The following DCC variants were observed in gnomAD, a reference collection of about 807,000 sequenced individuals.
DCC encodes the protein netrin receptor DCC.
In DCC, 58 loss-of-function variants were observed where a neutral mutation model predicts 172.5. That is an observed-to-expected ratio of 0.34 (90% CI 0.27 to 0.42). The LOEUF is 0.42. DCC is among the 10% of genes least tolerant of loss of function. The probability of loss-of-function intolerance (pLI) is 1.00; values close to 1 mark genes in which losing one functional copy is unlikely to be tolerated. For missense variants in DCC, 1,740 were observed against 1,791.0 expected (o/e 0.97, Z 0.51); for synonymous variants, 709 against 644.5 (o/e 1.10, Z -1.52).
chr18:53,340,692 A>G (rs964465667), intron 15 of DCC, among the ~76,000 whole-genome samples: 1 of 152,192 alleles, frequency 6.6e-6, no homozygotes, highest in African/African-American at 2.4e-5. Context: ...TAACACAGAG[A>G]AATAAAGTAA....
intron 1 of DCC, among the ~76,000 whole-genome samples, chr18:52,738,199 T>G (rs748763408): frequency 3.9e-5 from 6 of 152,054 alleles, no homozygotes; most frequent in Non-Finnish European, 8.8e-5. Context: ...ATAAGCATGG[T>G]TTTTATTGAC....
chr18:52,859,757 C>A (rs2039110587), intron 2 of DCC, among the ~76,000 whole-genome samples: 1 of 152,254 alleles, frequency 6.6e-6, no homozygotes, highest in Non-Finnish European at 1.5e-5. Context: ...TCTGAACAGC[C>A]ATCTCAAAAC....
At position 52,913,368 on chromosome 18, in the gene DCC, C is replaced by T. The variant is rs553048188; in HGVS notation, c.697+7040C>T. 7.2e-5 allele frequency among the ~76,000 whole-genome samples: 11 copies of T among 152,176 alleles called. No individual in the cohort carries two copies. In the South Asian group the frequency reaches 2.3e-3, roughly 32 times the overall value. On this transcript the variant is annotated intron_variant, in intron 3 of 28. Coordinates refer to ENST00000442544, the MANE Select transcript of DCC (RefSeq NM_005215.4). ...AAACGTAATTATTTATTTCCCAATG[C>T]TATTTGGACGGACATCAACAAGGCT...
intron 2 of DCC, among the ~76,000 whole-genome samples, chr18:52,825,174 T>A (rs191443754): frequency 7.2e-5 from 11 of 152,192 alleles, no homozygotes; most frequent in African/African-American, 2.4e-4. Context: ...TGTAATGATA[T>A]GACAAAGAGA....
At chr18:52,612,870 A>G (rs1043910152) in intron 1 of DCC, among the ~76,000 whole-genome samples, 1 of 152,164 alleles carries the variant, frequency 6.6e-6, no homozygotes, top group Non-Finnish European at 1.5e-5. Flanking sequence ...ATGACTGACC[A>G]CTTCTGTCGA....
Position 53,063,441 on chromosome 18 carries a change from T to C in DCC, c.1122T>C (p.Ser374=), listed in dbSNP as rs942522464. The stretch of plus-strand genomic sequence containing the variant: ...AGAATGGAGATGTGGTCATTCCTAG[T>C]GATTATTTTCAGATAGTGGTAATTA... ...WMKNGDVVIP[S]DYFQIVGGSN... The change falls in exon 6 of 29, where the codon AGT becomes AGC. Residue 374 remains serine, a synonymous_variant. Coordinates refer to ENST00000442544, the MANE Select transcript of DCC (RefSeq NM_005215.4). The C allele has an allele frequency of 1.2e-6, 2 of 1,610,486 alleles. No homozygotes were observed. Among genetic ancestry groups the C allele is most frequent in the African/African-American group, 2.7e-5 (2 of 74,826 alleles).
intron 7 of DCC, among the ~76,000 whole-genome samples, chr18:53,082,995 T>G (rs1332411056): frequency 6.6e-6 from 1 of 150,416 alleles, no homozygotes; most frequent in Non-Finnish European, 1.5e-5. Flanking sequence ...TCATGCTAGA[T>G]TCTACTAGAG....
At chr18:52,568,126 G>T (rs752006091) in intron 1 of DCC, among the ~76,000 whole-genome samples, 2 of 152,084 alleles carry the variant, frequency 1.3e-5, no homozygotes, top group Non-Finnish European at 2.9e-5. Flanking sequence ...TCACTGTATA[G>T]TTTTTCTAAA....
chr18:52,606,341 T>C, intron 1 of DCC, among the ~76,000 whole-genome samples: 1 of 152,106 alleles, frequency 6.6e-6, no homozygotes, highest in Non-Finnish European at 1.5e-5. Flanking sequence ...ACCATAATAC[T>C]TGCCCTATTG....
At chr18:53,307,663 T>G (rs1391761937) in intron 13 of DCC, among the ~76,000 whole-genome samples, 1 of 151,650 alleles carries the variant, frequency 6.6e-6, no homozygotes, top group Admixed American at 6.6e-5. Context: ...GGATGTTCAA[T>G]TCACAGAACT....
At chr18:53,529,437 G>A (rs2046501369) in intron 28 of DCC, among the ~76,000 whole-genome samples, 1 of 152,100 alleles carries the variant, frequency 6.6e-6, no homozygotes, top group African/African-American at 2.4e-5. Context: ...TCAATGGAAT[G>A]CGCTAGCCAA....
chr18:53,364,886 T>C (rs1187163555), intron 15 of DCC, among the ~76,000 whole-genome samples: 2 of 152,176 alleles, frequency 1.3e-5, no homozygotes, highest in African/African-American at 4.8e-5. Context: ...ATACGTAACA[T>C]GGAAAGCAAA....
chr18:53,339,241 A>C (rs2057627049), intron 14 of DCC, among the ~76,000 whole-genome samples: 1 of 152,228 alleles, frequency 6.6e-6, no homozygotes, highest in Non-Finnish European at 1.5e-5. Context: ...TGGACAGATC[A>C]TGGCCCTTAA....
At chr18:53,471,102 G>T (rs1211574926) in intron 25 of DCC, among the ~76,000 whole-genome samples, 1 of 151,978 alleles carries the variant, frequency 6.6e-6, no homozygotes, top group African/African-American at 2.4e-5. Context: ...CAGATTACTA[G>T]ACTACAGCAA....
intron 2 of DCC, among the ~76,000 whole-genome samples, chr18:52,902,957 A>G (rs1283570669): frequency 6.6e-6 from 1 of 152,180 alleles, no homozygotes; most frequent in Non-Finnish European, 1.5e-5. Context: ...GCTTGTTAAG[A>G]TCTGAAATCA....
intron 1 of DCC, among the ~76,000 whole-genome samples, chr18:52,493,960 A>AT (rs1306341162): frequency 1.3e-5 from 2 of 151,944 alleles, no homozygotes; most frequent in Non-Finnish European, 2.9e-5. Flanking sequence ...TCCATCTGGC[A>AT]TTTTCTTGTT....
chr18:52,439,076 G>T (rs368031191), intron 1 of DCC, among the ~76,000 whole-genome samples: 1 of 151,912 alleles, frequency 6.6e-6, no homozygotes, highest in Admixed American at 6.6e-5. Flanking sequence ...AGGTAAATTC[G>T]AAATTAATAC....
intron 1 of DCC, among the ~76,000 whole-genome samples, chr18:52,649,372 C>CAA (rs74178677): frequency 0.14 from 17,360 of 123,766 alleles, 1,276 homozygotes; most frequent in Non-Finnish European, 0.18. Flanking sequence ...GATTCCGTAT[C>CAA]AAAAAAAAAA....
intron 1 of DCC, among the ~76,000 whole-genome samples, chr18:52,683,535 A>G (rs2035782606): frequency 6.6e-6 from 1 of 152,082 alleles, no homozygotes; most frequent in Non-Finnish European, 1.5e-5. Context: ...ACTGACAAAA[A>G]GTCTATATTT....
Sources: gnomAD v4.1 joint callset for allele counts (sites outside exome capture counted in the v4.1 genomes callset) on GRCh38, gnomAD v4.1.1 for gene constraint, MANE v1.5 for transcripts, NCBI Gene and HGNC (gene_info 2026-07-23, HGNC 2026-07-21) for gene names.